The following IDE variants were observed in gnomAD, a reference collection of about 807,000 sequenced individuals.
IDE encodes insulin degrading enzyme.
In IDE, 58 loss-of-function variants were observed where a neutral mutation model predicts 133.2. The ratio of observed to expected loss-of-function variants is 0.44; its 90% CI spans 0.35 to 0.54. The LOEUF (loss-of-function observed/expected upper bound fraction) is 0.54. Among genes scored for constraint, IDE ranks in the 20% least tolerant of loss-of-function variants. The pLI is 0.00. For missense variants in IDE, 981 were observed against 1,234.0 expected, an observed-to-expected ratio of 0.79 and a Z score of 3.07; for synonymous variants, 396 against 421.3, an observed-to-expected ratio of 0.94 and a Z score of 0.73.
At chr10:92,547,526 C>T (rs1350829416) in intron 1 of IDE, among the ~76,000 whole-genome samples, 2 of 152,066 alleles carry the variant, frequency 1.3e-5, no homozygotes, top group African/African-American at 4.8e-5. Flanking sequence ...TTCAGATTTT[C>T]CTGGATTTTT....
At chr10:92,564,547 C>T (rs999929196) in intron 1 of IDE, among the ~76,000 whole-genome samples, 3 of 151,518 alleles carry the variant, frequency 2.0e-5, no homozygotes, top group Admixed American at 6.6e-5. Context: ...TGGTGGCACA[C>T]GCCTGTAGTC....
In IDE at chr10:92,519,622, G is replaced by A. The variant is rs148533944; in HGVS notation, c.662-4580C>T. 1.2e-4 allele frequency among the ~76,000 whole-genome samples: 18 copies of A among 152,318 alleles called. No homozygotes were observed. The East Asian group carries it at 3.5e-3, about 29-fold the overall frequency. ...CTCCAAGGGGTCATTTATTTCATCT[G>A]TAAAATAGGGATAATATGGATATAT... On this transcript the variant is annotated intron_variant, in intron 4 of 24. Coordinates refer to ENST00000265986, the MANE Select transcript of IDE (RefSeq NM_004969.4).
intron 4 of IDE, among the ~76,000 whole-genome samples, chr10:92,524,341 AT>A (rs1849411006): frequency 2.0e-5 from 1 of 49,608 alleles, no homozygotes; most frequent in South Asian, 6.1e-4. Flanking sequence ...TATATATTAT[AT>A]TATATATAAT....
intron 13 of IDE, among the ~76,000 whole-genome samples, 163 bp downstream of exon 13, chr10:92,487,030 CCTT>C (rs1340878525): frequency 6.6e-6 from 1 of 152,146 alleles, no homozygotes; most frequent in Admixed American, 6.5e-5. Context: ...ATATTTTTAA[CCTT>C]CTAATATTTT....
At chr10:92,561,705 T>C (rs191910159) in intron 1 of IDE, among the ~76,000 whole-genome samples, 26 of 151,834 alleles carry the variant, frequency 1.7e-4, no homozygotes, top group African/African-American at 5.6e-4. Context: ...GAGCTTGCAG[T>C]GAGCGGAGAT....
intron 1 of IDE, among the ~76,000 whole-genome samples, chr10:92,550,291 T>C (rs1482515992): frequency 6.6e-6 from 1 of 152,002 alleles, no homozygotes; most frequent in Non-Finnish European, 1.5e-5. Context: ...CCAGAATATA[T>C]TAAAATCTGC....
chr10:92,573,083 G>A (rs940759983), intron 1 of IDE: 30 of 985,316 alleles, frequency 3.0e-5, no homozygotes, highest in Non-Finnish European at 3.5e-5. Context: ...CGTTTCTAGG[G>A]AGGGCAAGAT....
intron 19 of IDE, among the ~76,000 whole-genome samples, chr10:92,467,410 G>C (rs1207862195): frequency 6.6e-6 from 1 of 152,128 alleles, no homozygotes; most frequent in African/African-American, 2.4e-5. Flanking sequence ...CCTTTCCATG[G>C]AGAGTTAAGT....
intron 4 of IDE, among the ~76,000 whole-genome samples, chr10:92,527,119 T>C (rs1849666121): frequency 6.6e-6 from 1 of 152,068 alleles, no homozygotes; most frequent in African/African-American, 2.4e-5. Flanking sequence ...ATAAAAAAAA[T>C]TCTCATATAT....
intron 20 of IDE, among the ~76,000 whole-genome samples, chr10:92,464,266 G>C (rs1845553224): frequency 6.6e-6 from 1 of 152,068 alleles, no homozygotes; most frequent in Non-Finnish European, 1.5e-5. Context: ...CTCCCATCTT[G>C]TCACTCCTCA....
At chr10:92,553,844 C>G (rs1279065980) in intron 1 of IDE, among the ~76,000 whole-genome samples, 2 of 152,126 alleles carry the variant, frequency 1.3e-5, no homozygotes, top group Non-Finnish European at 2.9e-5. Context: ...AATAAAAAGT[C>G]TCCTAGCAAA....
rs769201562 is a variant in IDE at position 92,508,904 on chromosome 10, A to G, written c.898-14T>C. On this transcript the variant is annotated splice_polypyrimidine_tract_variant and intron_variant, in intron 6 of 24. Transcript: ENST00000265986. ...TTTGTAAAGTTGCTGGAGAAAACAA[A>G]TCACAGAGATTAGCTATATACGACT... is the stretch of plus-strand genomic sequence containing the variant. 1.2e-6 allele frequency: 2 copies of G among 1,600,334 alleles called. No homozygotes were observed. The highest frequency in any genetic ancestry group is 1.7e-6 in the Non-Finnish European group (2 of 1,167,634).
chr10:92,562,476 A>G (rs1441345763), intron 1 of IDE, among the ~76,000 whole-genome samples: 5 of 152,394 alleles, frequency 3.3e-5, no homozygotes, highest in Middle Eastern at 6.8e-3. Flanking sequence ...AGTCAGAGTG[A>G]CTTTTCCACT....
intron 4 of IDE, among the ~76,000 whole-genome samples, chr10:92,516,402 G>A (rs1848932746): frequency 6.6e-6 from 1 of 152,072 alleles, no homozygotes; most frequent in Admixed American, 6.5e-5. Context: ...GCTGAGGGAT[G>A]AGAATCACTT....
At chr10:92,545,864 A>G (rs1267652611) in intron 1 of IDE, among the ~76,000 whole-genome samples, 1 of 152,246 alleles carries the variant, frequency 6.6e-6, no homozygotes, top group Non-Finnish European at 1.5e-5. Context: ...TGGTATGGGT[A>G]CAACCATTTT....
At chr10:92,521,991 G>C (rs1346194695) in intron 4 of IDE, among the ~76,000 whole-genome samples, 1 of 151,990 alleles carries the variant, frequency 6.6e-6, no homozygotes, top group Non-Finnish European at 1.5e-5. Flanking sequence ...AATTGGCCAG[G>C]GGCAGGGTGA....
At chr10:92,540,102 A>T (rs1376759118) in intron 1 of IDE, among the ~76,000 whole-genome samples, 1 of 151,946 alleles carries the variant, frequency 6.6e-6, no homozygotes, top group Non-Finnish European at 1.5e-5. Flanking sequence ...AATTAGCTGG[A>T]CATGGTGGCG....
At chr10:92,524,932 AAAATATATAC>A (rs1335979090) in intron 4 of IDE, among the ~76,000 whole-genome samples, 2 of 151,430 alleles carry the variant, frequency 1.3e-5, no homozygotes, top group African/African-American at 2.4e-5. Context: ...CAAACAAACA[AAAATATATAC>A]AAATATATAC....
intron 11 of IDE, among the ~76,000 whole-genome samples, chr10:92,504,028 T>A (rs1251597419): frequency 6.7e-6 from 1 of 149,258 alleles, no homozygotes; most frequent in Non-Finnish European, 1.5e-5. Flanking sequence ...CAAAAAGATT[T>A]TTTTTTTTTT....
Sources: allele counts gnomAD v4.1 joint callset (sites outside exome capture counted in the v4.1 genomes callset), GRCh38; gene constraint gnomAD v4.1.1; transcripts MANE v1.5; gene names NCBI Gene and HGNC (gene_info 2026-07-23, HGNC 2026-07-21).